ARHGEF40: variants seen among roughly 807,000 people sequenced by gnomAD.
ARHGEF40 encodes the protein Rho guanine nucleotide exchange factor (GEF) 40.
ARHGEF40 carries 98 observed loss-of-function variants against 165.9 expected under a neutral mutation model. That is an observed-to-expected ratio of 0.59 (90% CI 0.50 to 0.70). The LOEUF (loss-of-function observed/expected upper bound fraction) is 0.70, where lower values mean the gene tolerates loss of function less well. ARHGEF40 is among the 30% of genes least tolerant of loss of function. The pLI is 0.00. For synonymous variants in ARHGEF40, 792 were observed against 814.3 expected, an observed-to-expected ratio of 0.97 and a Z score of 0.47; for missense variants, 1,815 against 1,968.0, an observed-to-expected ratio of 0.92 and a Z score of 1.47.
intron 8 of ARHGEF40, 27 bp downstream of exon 8, chr14:21,076,917 T>C (rs1246202737): frequency 4.4e-6 from 7 of 1,580,662 alleles, no homozygotes; most frequent in African/African-American, 2.7e-5. Flanking sequence ...CCACCTAGCA[T>C]GCTGGGAGCC....
At position 21,081,686 on chromosome 14, in the gene ARHGEF40, C is replaced by A; in HGVS notation, c.2818C>A (p.Arg940Ser). Residue 940 changes from arginine to serine, a missense_variant, in exon 14 of 24, where the codon CGC (arginine) becomes AGC (serine). By Grantham distance (110) the Arg-to-Ser change is moderately radical. Coordinates refer to ENST00000298694, the MANE Select transcript of ARHGEF40 (RefSeq NM_018071.5). The stretch of plus-strand genomic sequence containing the variant: ...CCCAGCAGCCCTGCGAGAATGGGGC[C>A]GCTGCCAGGCCCGCTGCCAAGAGCT... ...GSPAALREWG[R>S]CQARCQELER... 1 of 1,587,906 alleles carries A rather than the reference C, an allele frequency of 6.3e-7. No individual in the cohort carries two copies. Among genetic ancestry groups the A allele is most frequent in the Admixed American group, 1.8e-5 (1 of 55,326 alleles).
chr14:21,075,432 A>G lies in ARHGEF40; in HGVS notation c.1551A>G (p.Ala517=), dbSNP rs141343480. ...ACAACATTCCAGAAGAGGCCCTTGC[A>G]GTCTCCGTCTCTGATCACCCTGATG... is the stretch of plus-strand genomic sequence containing the variant. ...KGDNIPEEAL[A]VSVSDHPDVA... Residue 517 remains alanine (A), a synonymous_variant, in exon 4 of 24, where the codon GCA becomes GCG. Transcript: ENST00000298694. This position sits in a 1 kb window ranked among gnomAD's most constrained non-coding sequence, Gnocchi z 4.5. The G allele has an allele frequency of 1.2e-5, 20 of 1,614,102 alleles. No individual in the cohort carries two copies. In the African/African-American group the frequency reaches 2.5e-4, roughly 20 times the overall value.
chr14:21,088,826 C>G lies in ARHGEF40; in HGVS notation c.4519-4C>G, dbSNP rs569792957. On this transcript the variant is annotated splice_region_variant and splice_polypyrimidine_tract_variant and intron_variant, in intron 22 of 23. Coordinates refer to ENST00000298694, the MANE Select transcript of ARHGEF40 (RefSeq NM_018071.5). Reference sequence around the variant, plus strand: ...TAAATTCACTGTAGCTTCTCTCCCCCCAGAGTCATGCTCGAGCCCTGAGTG... The same window carrying G: ...TAAATTCACTGTAGCTTCTCTCCCCGCAGAGTCATGCTCGAGCCCTGAGTG... 3.8e-5 allele frequency: 62 copies of G among 1,611,792 alleles called. No homozygotes were observed. The East Asian group carries it at 1.2e-3, about 31-fold the overall frequency.
chr14:21,075,482 G>C lies in ARHGEF40; in HGVS notation c.1601G>C (p.Gly534Ala). 6.2e-7 allele frequency: 1 copy of C among 1,614,198 alleles called. No homozygotes were observed. Among genetic ancestry groups the C allele is most frequent in the Middle Eastern group, 1.7e-4 (1 of 6,060 alleles). Residue 534 changes from glycine (G) to alanine (A), a missense_variant, in exon 4 of 24, where the codon GGA becomes GCA. Coordinates refer to ENST00000298694, the MANE Select transcript of ARHGEF40 (RefSeq NM_018071.5). The surrounding 1 kb of genome is among the most constrained non-coding windows in gnomAD (Gnocchi z 4.5). The stretch of plus-strand genomic sequence containing the variant: ...GTAGCTTGGGACTTGATGGCATCTG[G>C]ATTCCTCATCCTGACGGGTCAGTGG... ...PDVAWDLMAS[G>A]FLILTGGVDQ...
At chr14:21,087,796 C>A (rs1888479529) in intron 21 of ARHGEF40, 172 bp from the exon 22 acceptor site, 1 of 869,084 alleles carries the variant, frequency 1.2e-6, no homozygotes, top group Non-Finnish European at 1.8e-6. Flanking sequence ...TCTAATGATG[C>A]TGCTGACAAT....
At chr14:21,086,069 T>C in intron 19 of ARHGEF40, 1 of 673,898 alleles carries the variant, frequency 1.5e-6, no homozygotes, top group Non-Finnish European at 2.3e-6. Flanking sequence ...AGCTGGCAAA[T>C]TTCCGGGAAG....
At chr14:21,071,812 G>A (rs1886919776) in intron 1 of ARHGEF40, among the ~76,000 whole-genome samples, 1 of 152,180 alleles carries the variant, frequency 6.6e-6, no homozygotes, top group South Asian at 2.1e-4. Flanking sequence ...GCCTGGTCCC[G>A]GGAACACTGG....
Position 21,082,396 on chromosome 14 carries a change from GC to G in ARHGEF40, c.3405del (p.Phe1136SerfsTer38). 1 of 1,611,668 alleles carries G rather than the reference GC, an allele frequency of 6.2e-7. No homozygotes were observed. The highest frequency in any genetic ancestry group is 8.5e-7 in the Non-Finnish European group (1 of 1,179,428). On this transcript the variant is annotated frameshift_variant, in exon 15 of 24. Coordinates refer to ENST00000298694, the MANE Select transcript of ARHGEF40 (RefSeq NM_018071.5). LOFTEE classifies it high-confidence loss of function. ...CTGAGTGCCCGGGAAAGGCTTCGCA[GC>G]TTCCACCGGACACACTTTCTGCGGG... ...AALSARERLR[S>X]FHRTHFLREL... is the part of the protein sequence containing the mutation.
chr14:21,062,846 G>GCT, the ARHGEF40 span, among the ~76,000 whole-genome samples: 1 of 151,074 alleles, frequency 6.6e-6, no homozygotes, highest in Non-Finnish European at 1.5e-5. Flanking sequence ...GGTTCCAGTG[G>GCT]CTCATGCCTA....
chr14:21,076,244 C>T, intron 5 of ARHGEF40, 116 bp from the exon 6 acceptor site: 1 of 848,560 alleles, frequency 1.2e-6, no homozygotes, highest in Non-Finnish European at 1.8e-6. Flanking sequence ...GTACCGGCAA[C>T]TAATTTCTCC....
In ARHGEF40 at chr14:21,087,984, C is replaced by G; in HGVS notation, c.4404C>G (p.Asp1468Glu). Residue 1468 changes from aspartate (D) to glutamate (E), a missense_variant, in exon 22 of 24, where the codon GAC (aspartate) becomes GAG (glutamate). Physicochemically the swap from Asp to Glu is conservative, Grantham distance 45. Coordinates refer to ENST00000298694, the MANE Select transcript of ARHGEF40 (RefSeq NM_018071.5). ...CCCCTTCAGCCCCAGAAACACTTGA[C>G]TCTTCTGGAGATGTGTCCCCAGGAC... ...KQISLAPETLDSSGDVSPGPR... is the reference protein window; with the variant it reads ...KQISLAPETLESSGDVSPGPR... The G allele has an allele frequency of 6.2e-7, 1 of 1,614,112 alleles. No homozygotes were observed. The highest frequency in any genetic ancestry group is 8.5e-7 in the Non-Finnish European group (1 of 1,180,036).
Position 21,088,099 on chromosome 14 carries a change from G to C in ARHGEF40, c.4518+1G>C, listed in dbSNP as rs1888506095. On this transcript the variant is annotated splice_donor_variant, in intron 22 of 23. Transcript: ENST00000298694. LOFTEE classifies it high-confidence loss of function. ...AGGGATCTTAGGGCTATCCCGACAG[G>C]TAAGTTCCTACAACGAGGCTGGGAA... The C allele has an allele frequency of 5.0e-6, 8 of 1,606,322 alleles. No homozygotes were observed. The highest frequency in any genetic ancestry group is 6.8e-6 in the Non-Finnish European group (8 of 1,176,630).
At position 21,072,994 on chromosome 14, in the gene ARHGEF40, G is replaced by A. The variant is rs777762082; in HGVS notation, c.4-51G>A. 2.6e-6 allele frequency: 4 copies of A among 1,568,270 alleles called. No individual in the cohort carries two copies. The highest frequency in any genetic ancestry group is 3.5e-6 in the Non-Finnish European group (4 of 1,144,858). On this transcript the variant is annotated intron_variant, in intron 1 of 23. Transcript: ENST00000298694. The surrounding 1 kb of genome is among the most constrained non-coding windows in gnomAD (Gnocchi z 4.1). ...CCCAGACCAGTGCAGCTCCCAAGGA[G>A]CCATGATTGGGTGATCTCTAGGGAT...
At chr14:21,064,207 C>T in the ARHGEF40 span, among the ~76,000 whole-genome samples, 1 of 152,206 alleles carries the variant, frequency 6.6e-6, no homozygotes, top group Admixed American at 6.5e-5. Context: ...TCTTTTTATA[C>T]CTTTTCTTCA....
In ARHGEF40 at chr14:21,076,353, C is replaced by T; in HGVS notation, c.1740-7C>T. ...AGCAGCCTCCTTGGCTCTTCCTGCTCCCGCAGGCCTGATCTACAGACACTG... is the reference window on the plus strand; with the variant it reads ...AGCAGCCTCCTTGGCTCTTCCTGCTTCCGCAGGCCTGATCTACAGACACTG... On this transcript the variant is annotated splice_region_variant and splice_polypyrimidine_tract_variant and intron_variant, in intron 5 of 23. Coordinates refer to ENST00000298694, the MANE Select transcript of ARHGEF40 (RefSeq NM_018071.5). 6.2e-7 allele frequency: 1 copy of T among 1,612,280 alleles called. No individual in the cohort carries two copies. Among genetic ancestry groups the T allele is most frequent in the East Asian group, 2.2e-5 (1 of 44,884 alleles).
rs774447232 is a variant in ARHGEF40 at position 21,073,006 on chromosome 14, T to C, written c.4-39T>C. 1.9e-6 allele frequency: 3 copies of C among 1,588,672 alleles called. No homozygotes were observed. Among genetic ancestry groups the C allele is most frequent in the Admixed American group, 3.4e-5 (2 of 59,270 alleles). On this transcript the variant is annotated intron_variant, in intron 1 of 23. Coordinates refer to ENST00000298694, the MANE Select transcript of ARHGEF40 (RefSeq NM_018071.5). The surrounding 1 kb of genome is among the most constrained non-coding windows in gnomAD (Gnocchi z 4.6). ...CAGCTCCCAAGGAGCCATGATTGGGTGATCTCTAGGGATCTGTAGCCTGGT... is the reference window on the plus strand; with the variant it reads ...CAGCTCCCAAGGAGCCATGATTGGGCGATCTCTAGGGATCTGTAGCCTGGT...
At chr14:21,069,752 G>T (rs1037326580), upstream of ARHGEF40, among the ~76,000 whole-genome samples, 1 of 152,120 alleles carries the variant, frequency 6.6e-6, no homozygotes, top group Admixed American at 6.5e-5. Flanking sequence ...CTGATTTCCC[G>T]GCCCTCCGCT....
At position 21,073,957 on chromosome 14, in the gene ARHGEF40, T is replaced by A. The variant is rs769727268; in HGVS notation, c.227T>A (p.Phe76Tyr). ...ACAQYSGFLFFHEGWPLCLHE... is the reference protein window; with the variant it reads ...ACAQYSGFLFYHEGWPLCLHE... ...GCCCAATACAGTGGATTCCTCTTCT[T>A]CCATGAGGGGTGGCCGCTCTGCCTG... The change falls in exon 3 of 24, where the codon TTC becomes TAC. Residue 76 changes from phenylalanine (F) to tyrosine (Y), a missense_variant. Phe to Tyr is a conservative substitution (Grantham distance 22). Coordinates refer to ENST00000298694, the MANE Select transcript of ARHGEF40 (RefSeq NM_018071.5). This position sits in a 1 kb window ranked among gnomAD's most constrained non-coding sequence, Gnocchi z 4.6. 6.2e-7 allele frequency: 1 copy of A among 1,606,818 alleles called. No homozygotes were observed. The highest frequency in any genetic ancestry group is 1.1e-5 in the South Asian group (1 of 91,002).
At chr14:21,071,371 G>GGA (rs1886839253) in intron 1 of ARHGEF40, among the ~76,000 whole-genome samples, 1 of 152,196 alleles carries the variant, frequency 6.6e-6, no homozygotes, top group Admixed American at 6.5e-5. Flanking sequence ...GCAGAGTGGA[G>GGA]GAGGGGGAGA....
Sources: gnomAD v4.1 joint callset for allele counts (sites outside exome capture counted in the v4.1 genomes callset) on GRCh38, gnomAD v4.1.1 for gene constraint, Gnocchi (gnomAD v3.1) non-coding constraint, MANE v1.5 for transcripts, NCBI Gene and HGNC (gene_info 2026-07-23, HGNC 2026-07-21) for gene names.